The following RXYLT1 variants were observed in gnomAD, a reference collection of about 807,000 sequenced individuals.
RXYLT1 encodes the protein ribitol-5-phosphate xylosyltransferase 1.
RXYLT1 carries 41 observed loss-of-function variants against 43.5 expected under a neutral mutation model. That is an observed-to-expected ratio of 0.94 (90% CI 0.73 to 1.22). RXYLT1 has a LOEUF of 1.22. RXYLT1 is among the 50% of genes most tolerant of loss of function. The probability of loss-of-function intolerance (pLI) is 0.00; values close to 1 mark genes in which losing one functional copy is unlikely to be tolerated. For missense variants in RXYLT1, 514 were observed against 532.0 expected, an observed-to-expected ratio of 0.97 and a Z score of 0.33; for synonymous variants, 166 against 194.4, an observed-to-expected ratio of 0.85 and a Z score of 1.21.
rs564644161 is a variant in RXYLT1 at position 63,791,314 on chromosome 12, A to G, written c.428+6242A>G. Reference sequence around the variant, plus strand: ...TCAGAATCCTATCATTTCTATGTATAGTCATTACCACAGGCTATATAAATG... The same window carrying G: ...TCAGAATCCTATCATTTCTATGTATGGTCATTACCACAGGCTATATAAATG... On this transcript the variant is annotated intron_variant, in intron 3 of 5. Transcript: ENST00000261234. Among the ~76,000 whole-genome samples the G allele has an allele frequency of 7.9e-5, 12 of 152,348 alleles. No homozygotes were observed. In the South Asian group the frequency reaches 2.1e-3, roughly 26 times the overall value.
intron 3 of RXYLT1, among the ~76,000 whole-genome samples, chr12:63,788,801 A>C (rs914605882): frequency 6.6e-6 from 1 of 151,612 alleles, no homozygotes; most frequent in Non-Finnish European, 1.5e-5. Flanking sequence ...CATTTCCTTC[A>C]AGAACTTTTC....
At chr12:63,785,132 T>C in intron 3 of RXYLT1, 60 bp downstream of exon 3, 1 of 1,197,950 alleles carries the variant, frequency 8.3e-7, no homozygotes, top group Non-Finnish European at 1.2e-6. Flanking sequence ...CAATATTTTC[T>C]GTAAATACTA....
chr12:63,799,332 C>T (rs1293324704), intron 3 of RXYLT1, among the ~76,000 whole-genome samples: 1 of 88,374 alleles, frequency 1.1e-5, no homozygotes, highest in South Asian at 3.5e-4. Flanking sequence ...TTTGAGACAA[C>T]GTTTCATTGT....
At chr12:63,800,307 G>A (rs1898131072) in intron 3 of RXYLT1, among the ~76,000 whole-genome samples, 1 of 152,142 alleles carries the variant, frequency 6.6e-6, no homozygotes, top group Non-Finnish European at 1.5e-5. Context: ...CATGCAAAGT[G>A]CTTATGTATC....
In RXYLT1 at chr12:63,803,016, A is replaced by AC. The variant is rs1217321715; in HGVS notation, c.743+611_743+612insC. On this transcript the variant is annotated intron_variant, in intron 4 of 5. Transcript: ENST00000261234. The stretch of plus-strand genomic sequence containing the variant: ...AAACCCTATCTCTAAAAAAAAAAAA[A>AC]ATCAAAAATTATCCGGGCATGGTGA... Among the ~76,000 whole-genome samples, 8 of 151,286 alleles carry AC rather than the reference A, an allele frequency of 5.3e-5. No individual in the cohort carries two copies. The East Asian group carries it at 1.6e-3, about 30-fold the overall frequency.
intron 2 of RXYLT1, among the ~76,000 whole-genome samples, chr12:63,781,758 G>A (rs1432374489): frequency 1.3e-5 from 2 of 152,154 alleles, no homozygotes; most frequent in African/African-American, 2.4e-5. Flanking sequence ...TAGAGAATGG[G>A]GCCCTGAGGG....
At chr12:63,788,116 G>A (rs575818489) in intron 3 of RXYLT1, among the ~76,000 whole-genome samples, 8 of 152,284 alleles carry the variant, frequency 5.3e-5, no homozygotes, top group African/African-American at 1.9e-4. Flanking sequence ...TTTCTGAGCA[G>A]TACTTCTCAA....
intron 1 of RXYLT1, chr12:63,780,474 C>A (rs1897654557): frequency 8.9e-7 from 1 of 1,124,116 alleles, no homozygotes; most frequent in Non-Finnish European, 1.1e-6. Context: ...TTTAAGACAT[C>A]CGTTTCCATG....
chr12:63,799,066 C>T (rs77563270), intron 3 of RXYLT1, among the ~76,000 whole-genome samples: 2,191 of 152,254 alleles, frequency 0.014, 61 homozygotes, highest in African/African-American at 0.05. Context: ...TACACCTTGG[C>T]TTCGCAGTAT....
intron 5 of RXYLT1, 187 bp from the exon 6 acceptor site, chr12:63,808,488 A>G (rs1288487599): frequency 1.7e-6 from 1 of 604,850 alleles, no homozygotes; most frequent in Non-Finnish European, 2.8e-6. Flanking sequence ...CAACTGTAAA[A>G]TGTTCCAATT....
intron 3 of RXYLT1, among the ~76,000 whole-genome samples, chr12:63,794,912 C>T (rs1028040990): frequency 1.6e-4 from 25 of 152,064 alleles, no homozygotes; most frequent in African/African-American, 5.8e-4. Flanking sequence ...GATAACCTCA[C>T]CTGGGAAGTA....
At chr12:63,791,331 A>G (rs761271242) in intron 3 of RXYLT1, among the ~76,000 whole-genome samples, 9 of 152,244 alleles carry the variant, frequency 5.9e-5, no homozygotes, top group Non-Finnish European at 1.2e-4. Flanking sequence ...ACCACAGGCT[A>G]TATAAATGTC....
At chr12:63,805,690 A>T (rs1898274968) in intron 5 of RXYLT1, 1 of 248,250 alleles carries the variant, frequency 4.0e-6, no homozygotes, top group Non-Finnish European at 7.6e-6. Context: ...CACACAGGAG[A>T]TTATAGATGC....
rs538000024 is a variant in RXYLT1, at chr12:63,798,930, G to A, written c.429-3161G>A. 4.6e-5 allele frequency among the ~76,000 whole-genome samples: 7 copies of A among 152,192 alleles called. 1 individual carries two copies. Among genetic ancestry groups the A allele is most frequent in the African/African-American group, 1.4e-4 (6 of 41,528 alleles). On this transcript the variant is annotated intron_variant, in intron 3 of 5. Coordinates refer to ENST00000261234, the MANE Select transcript of RXYLT1 (RefSeq NM_014254.3). ...TTTTAAGTCACTTTTAAGCTGTTAGGACATAGATACTTATTAGGTTGTTTA... is the reference window on the plus strand; with the variant it reads ...TTTTAAGTCACTTTTAAGCTGTTAGAACATAGATACTTATTAGGTTGTTTA...
At chr12:63,806,598 A>C (rs1258214205) in intron 5 of RXYLT1, 2 of 152,244 alleles carry the variant, frequency 1.3e-5, no homozygotes, top group African/African-American at 4.8e-5. Context: ...ATGAATGAGG[A>C]CAGTGTAAAA....
At chr12:63,796,556 A>G (rs1228369027) in intron 3 of RXYLT1, among the ~76,000 whole-genome samples, 1 of 152,252 alleles carries the variant, frequency 6.6e-6, no homozygotes, top group Non-Finnish European at 1.5e-5. Flanking sequence ...TCATTGAATC[A>G]GTCATCAGCT....
At chr12:63,781,209 G>T (rs1897676152) in intron 2 of RXYLT1, 35 bp downstream of exon 2, 1 of 1,393,128 alleles carries the variant, frequency 7.2e-7, no homozygotes, top group Non-Finnish European at 9.4e-7. Context: ...CATGTAAAAA[G>T]CATTATAAAA....
intron 2 of RXYLT1, 143 bp downstream of exon 2, chr12:63,781,317 C>G: frequency 1.3e-6 from 1 of 796,522 alleles, no homozygotes; most frequent in Non-Finnish European, 1.8e-6. Context: ...GTCAATAATT[C>G]CTTTCTCCTT....
Position 63,780,050 on chromosome 12 carries a change from G to T in RXYLT1, c.90G>T (p.Gly30=), listed in dbSNP as rs769431667. Reference sequence around the variant, plus strand: ...ACGCTGCCTACCACGTCTTCTTCGGGCGCCGCCGCCAGGCGCCGGCCGGGT... The same window carrying T: ...ACGCTGCCTACCACGTCTTCTTCGGTCGCCGCCGCCAGGCGCCGGCCGGGT... ...SLYAAYHVFF[G]RRRQAPAGSP... Residue 30 remains glycine (G), a synonymous_variant, in exon 1 of 6, where the codon GGG becomes GGT. Transcript: ENST00000261234. The T allele has an allele frequency of 2.5e-6, 4 of 1,606,734 alleles. No individual in the cohort carries two copies. Among genetic ancestry groups the T allele is most frequent in the Non-Finnish European group, 2.5e-6 (3 of 1,177,968 alleles).
Sources: allele counts gnomAD v4.1 joint callset (sites outside exome capture counted in the v4.1 genomes callset), GRCh38; gene constraint gnomAD v4.1.1; transcripts MANE v1.5; gene names NCBI Gene and HGNC (gene_info 2026-07-23, HGNC 2026-07-21).